The following MYO10 variants were observed in gnomAD, a reference collection of about 807,000 sequenced individuals.
The protein encoded by MYO10 is myosin X.
A neutral mutation model predicts 257.3 loss-of-function variants in MYO10; 133 were observed. The observed-to-expected ratio is 0.52, with a 90% CI of 0.45 to 0.60. The LOEUF (loss-of-function observed/expected upper bound fraction) is 0.60, where lower values mean the gene tolerates loss of function less well. Ranked by LOEUF, MYO10 falls within the 20% of genes least tolerant of loss-of-function variation. The probability of loss-of-function intolerance (pLI) is 0.00; values close to 1 mark genes in which losing one functional copy is unlikely to be tolerated. For synonymous variants in MYO10, 1,104 were observed against 1,028.6 expected (o/e 1.07, Z -1.40); for missense variants, 2,399 against 2,635.7 (o/e 0.91, Z 1.97).
chr5:16,692,705 C>T (rs903526022), intron 27 of MYO10, among the ~76,000 whole-genome samples: 2 of 151,996 alleles, frequency 1.3e-5, no homozygotes, highest in South Asian at 2.1e-4. Flanking sequence ...GGAATAAGTC[C>T]GTGGTTTATT....
chr5:16,814,472 C>T (rs1382230896), intron 3 of MYO10: 2 of 152,216 alleles, frequency 1.3e-5, no homozygotes, highest in South Asian at 2.1e-4. Context: ...AGTTGGTACA[C>T]TTATGGTAAC....
chr5:16,672,581 C>A (rs147846731), intron 37 of MYO10, 108 bp downstream of exon 37: 115 of 1,345,154 alleles, frequency 8.5e-5, no homozygotes, highest in Non-Finnish European at 1.1e-4. Flanking sequence ...ATAAAACTAA[C>A]TCCAATACAG....
chr5:16,792,128 CACACAGAG>C (rs771510859), intron 4 of MYO10, among the ~76,000 whole-genome samples: 10,690 of 137,270 alleles, frequency 0.078, 474 homozygotes, highest in Non-Finnish European at 0.11. Context: ...CACACACACA[CACACAGAG>C]AGAGAGAGAG....
chr5:16,880,374 T>C (rs1362719586), intron 1 of MYO10, among the ~76,000 whole-genome samples: 1 of 150,858 alleles, frequency 6.6e-6, no homozygotes, highest in Non-Finnish European at 1.5e-5. Flanking sequence ...TGGAACAGAC[T>C]CCTTTCCCCA....
chr5:16,817,861 A>G (rs1312107164), intron 3 of MYO10, 148 bp downstream of exon 3: 4 of 760,240 alleles, frequency 5.3e-6, no homozygotes, highest in Non-Finnish European at 3.8e-6. Context: ...TTTTTGACCC[A>G]AGTTTCTAAT....
At chr5:16,714,633 C>T (rs1432937945) in intron 19 of MYO10, among the ~76,000 whole-genome samples, 1 of 152,200 alleles carries the variant, frequency 6.6e-6, no homozygotes, top group Non-Finnish European at 1.5e-5. Context: ...TCCTGGCTAA[C>T]AGGGTGAAAC....
In MYO10 at chr5:16,924,831, T is replaced by TG. The variant is rs386403119; in HGVS notation, c.21+10956_21+10957insC. Among the ~76,000 whole-genome samples, 3 of 6,330 alleles carry TG rather than the reference T, an allele frequency of 4.7e-4. No homozygotes were observed. The Admixed American group carries it at 7.3e-3, about 15-fold the overall frequency. The allele number at this position is 6,330 out of a possible 152,430, so 4.2% of individuals were successfully genotyped here. A position where few individuals can be genotyped will look rare whatever the true frequency, so the allele number is the denominator to read the frequency against. ...TTGGTATCAACTATCACTTTATCAC[T>TG]TTTTTTTTTTTTTTTTTGAGACAGA... On this transcript the variant is annotated intron_variant, in intron 1 of 40. Coordinates refer to ENST00000513610, the MANE Select transcript of MYO10 (RefSeq NM_012334.3).
At position 16,675,009 on chromosome 5, in the gene MYO10, C is replaced by A. The variant is rs377467284; in HGVS notation, c.4808G>T (p.Arg1603Leu). ...GATAAGCTGGCAGTACAGCTCGTCC[C>A]GCAGAGGTCGCAGGTCATGCCCTGT... ...LQTGHDLRPL[R>L]DELYCQLIKQ... The change falls in exon 35 of 41, where the codon CGG becomes CTG. Residue 1603 changes from arginine (R) to leucine (L), a missense_variant. Arg to Leu is a moderately radical substitution (Grantham distance 102). Coordinates refer to ENST00000513610, the MANE Select transcript of MYO10 (RefSeq NM_012334.3). 1.9e-6 allele frequency: 3 copies of A among 1,613,970 alleles called. No homozygotes were observed. Among genetic ancestry groups the A allele is most frequent in the Non-Finnish European group, 2.5e-6 (3 of 1,179,890 alleles).
intron 1 of MYO10, among the ~76,000 whole-genome samples, chr5:16,911,782 A>G (rs1745664576): frequency 6.6e-6 from 1 of 152,096 alleles, no homozygotes; most frequent in African/African-American, 2.4e-5. Context: ...TCATGCCTGT[A>G]ATCCCAGCAG....
chr5:16,732,631 G>C (rs1199980447), intron 19 of MYO10, among the ~76,000 whole-genome samples: 1 of 152,146 alleles, frequency 6.6e-6, no homozygotes, highest in African/African-American at 2.4e-5. Context: ...TGCTAAAATA[G>C]CTGTGAAACT....
chr5:16,794,672 G>A lies in MYO10; in HGVS notation c.441C>T (p.Arg147=), dbSNP rs1741876982. ...TGATGAGGATGCACTGGTTGTCGTG[G>A]CGCTTCCACAGGCAGCGGTAGCACT... is the stretch of plus-strand genomic sequence containing the variant. ...ANECYRCLWK[R]HDNQCILISG... is the part of the protein sequence containing the mutation. The change falls in exon 4 of 41, where the codon CGC becomes CGT. Residue 147 remains arginine, a synonymous_variant. Transcript: ENST00000513610. 2 of 1,612,416 alleles carry A rather than the reference G, an allele frequency of 1.2e-6. No homozygotes were observed. The highest frequency in any genetic ancestry group is 2.7e-5 in the African/African-American group (2 of 74,900).
intron 34 of MYO10, among the ~76,000 whole-genome samples, chr5:16,675,737 C>CA (rs1198229465): frequency 1.3e-5 from 2 of 151,760 alleles, no homozygotes; most frequent in African/African-American, 2.4e-5. Flanking sequence ...GACTCTGTCT[C>CA]AAAAAACAAA....
rs1746171487 is a variant in MYO10 at position 16,927,600 on chromosome 5, A to G, written c.21+8188T>C. Among the ~76,000 whole-genome samples the G allele has an allele frequency of 1.3e-5, 2 of 152,340 alleles. 1 individual carries two copies. Among genetic ancestry groups the G allele is most frequent in the South Asian group, 4.1e-4 (2 of 4,830 alleles). Reference sequence around the variant, plus strand: ...CGGCCTCCCAAAGTGCTGAGATTACAGGCTTGAGCCACCGCGCCCGGCCTT... The same window carrying G: ...CGGCCTCCCAAAGTGCTGAGATTACGGGCTTGAGCCACCGCGCCCGGCCTT... On this transcript the variant is annotated intron_variant, in intron 1 of 40. Transcript: ENST00000513610.
chr5:16,692,011 A>G (rs181637692), intron 27 of MYO10, among the ~76,000 whole-genome samples: 6 of 152,354 alleles, frequency 3.9e-5, no homozygotes, highest in Admixed American at 3.3e-4. Context: ...ACATTAAAAG[A>G]GACTTGAGTG....
chr5:16,731,442 C>T (rs1157872434), intron 19 of MYO10, among the ~76,000 whole-genome samples: 2 of 151,918 alleles, frequency 1.3e-5, no homozygotes, highest in African/African-American at 4.8e-5. Context: ...CTCCCAGGTT[C>T]AAGCGATTCT....
chr5:16,921,498 G>A (rs1322856104), intron 1 of MYO10, among the ~76,000 whole-genome samples: 2 of 152,008 alleles, frequency 1.3e-5, no homozygotes, highest in African/African-American at 4.8e-5. Context: ...CAAACCTTAT[G>A]GGGAGAGTTT....
chr5:16,860,070 C>T (rs934029528), intron 2 of MYO10, among the ~76,000 whole-genome samples: 3 of 152,224 alleles, frequency 2.0e-5, no homozygotes, highest in African/African-American at 4.8e-5. Flanking sequence ...AGTGGGATTT[C>T]TCTACAAATT....
At chr5:16,828,251 T>C (rs544890127) in intron 2 of MYO10, among the ~76,000 whole-genome samples, 1 of 152,058 alleles carries the variant, frequency 6.6e-6, no homozygotes, top group African/African-American at 2.4e-5. Flanking sequence ...TCTTTTAAAT[T>C]GACAAAGAGA....
intron 9 of MYO10, among the ~76,000 whole-genome samples, chr5:16,773,661 CAA>C (rs35170602): frequency 9.7e-5 from 11 of 113,050 alleles, no homozygotes; most frequent in Non-Finnish European, 1.2e-4. Context: ...GACCTTGTCT[CAA>C]AAAAAAAAAA....
Sources: gnomAD v4.1 joint callset for allele counts (sites outside exome capture counted in the v4.1 genomes callset) on GRCh38, gnomAD v4.1.1 for gene constraint, MANE v1.5 for transcripts, NCBI Gene and HGNC (gene_info 2026-07-23, HGNC 2026-07-21) for gene names.